Variants in DPP6 observed in about 807,000 individuals in gnomAD.
DPP6 encodes dipeptidyl peptidase like 6.
In DPP6, 69 loss-of-function variants were observed where a neutral mutation model predicts 122.6. The observed-to-expected ratio is 0.56, with a 90% CI of 0.46 to 0.69. The LOEUF (loss-of-function observed/expected upper bound fraction) is 0.69, where lower values mean the gene tolerates loss of function less well. Among genes scored for constraint, DPP6 ranks in the 30% least tolerant of loss-of-function variants. The pLI, the probability that DPP6 is intolerant of heterozygous loss-of-function variation, is 0.00. For missense variants in DPP6, 928 were observed against 1,116.9 expected (o/e 0.83, Z 2.41); for synonymous variants, 418 against 433.1 (o/e 0.97, Z 0.43).
intron 5 of DPP6, among the ~76,000 whole-genome samples, chr7:154,586,456 A>G (rs1162435932): frequency 6.6e-6 from 1 of 151,976 alleles, no homozygotes; most frequent in Non-Finnish European, 1.5e-5. Context: ...ATGAGGGAGA[A>G]ATTTGCTGGA....
intron 3 of DPP6, among the ~76,000 whole-genome samples, chr7:154,512,318 C>A (rs1826152307): frequency 6.6e-6 from 1 of 152,160 alleles, no homozygotes; most frequent in South Asian, 2.1e-4. Flanking sequence ...AAAGTGCCCC[C>A]ATGTGCTTCT....
intron 6 of DPP6, among the ~76,000 whole-genome samples, chr7:154,639,258 G>A (rs4960569): frequency 0.76 from 114,949 of 152,164 alleles, 43,566 homozygotes; most frequent in East Asian, 0.92. Flanking sequence ...TATTAGAAAA[G>A]TGAAGCCCAA....
At chr7:153,769,924 T>C in the DPP6 span, among the ~76,000 whole-genome samples, 3 of 152,060 alleles carry the variant, frequency 2.0e-5, no homozygotes, top group Non-Finnish European at 4.4e-5. Flanking sequence ...CAAGTGTGGG[T>C]TGGTGAGGGA....
intron 20 of DPP6, among the ~76,000 whole-genome samples, chr7:154,879,038 C>CAAA (rs1805120455): frequency 6.6e-6 from 1 of 152,232 alleles, no homozygotes. Context: ...GCCAGGACAT[C>CAAA]CATCCTTCCT....
At chr7:154,131,226 G>A (rs1795264737) in intron 1 of DPP6, among the ~76,000 whole-genome samples, 2 of 152,188 alleles carry the variant, frequency 1.3e-5, no homozygotes, top group South Asian at 4.1e-4. Flanking sequence ...AGATTTAGAA[G>A]CTATTTTAAG....
intron 8 of DPP6, among the ~76,000 whole-genome samples, chr7:154,756,007 C>T (rs752492100): frequency 7.9e-5 from 12 of 152,148 alleles, no homozygotes; most frequent in South Asian, 4.1e-4. Flanking sequence ...GCTTAGAAAA[C>T]GTGCAGTGAA....
intron 1 of DPP6, among the ~76,000 whole-genome samples, chr7:154,005,735 G>A (rs1431176086): frequency 1.3e-5 from 2 of 150,440 alleles, no homozygotes; most frequent in African/African-American, 5.0e-5. Context: ...CTGGAGCAGG[G>A]AGGTGTGACC....
intron 5 of DPP6, among the ~76,000 whole-genome samples, chr7:154,636,386 C>G (rs1265027642): frequency 6.6e-6 from 1 of 152,186 alleles, no homozygotes; most frequent in South Asian, 2.1e-4. Context: ...CAGGCCCTTC[C>G]TTCCTTCTCC....
At chr7:154,399,664 G>A (rs1357564575) in intron 1 of DPP6, among the ~76,000 whole-genome samples, 1 of 152,080 alleles carries the variant, frequency 6.6e-6, no homozygotes, top group Non-Finnish European at 1.5e-5. Context: ...TGGAAAAGAA[G>A]TCTGTCTCTG....
intron 1 of DPP6, among the ~76,000 whole-genome samples, chr7:154,374,408 G>A (rs184627364): frequency 1.3e-5 from 2 of 152,074 alleles, no homozygotes; most frequent in African/African-American, 4.8e-5. Flanking sequence ...TAAGGAAAAG[G>A]TGTGTTTTTC....
At chr7:153,833,680 A>C in the DPP6 span, among the ~76,000 whole-genome samples, 1 of 151,982 alleles carries the variant, frequency 6.6e-6, no homozygotes, top group South Asian at 2.1e-4. Context: ...TCTCAAAAAA[A>C]AAAAAGGTGG....
At chr7:153,899,784 ATGTG>A (rs1206832736) in intron 1 of DPP6, among the ~76,000 whole-genome samples, 2 of 152,188 alleles carry the variant, frequency 1.3e-5, no homozygotes, top group African/African-American at 4.8e-5. Context: ...GTGAGTGTGA[ATGTG>A]TGTGCACAGG....
At chr7:154,802,587 G>C (rs1027062166) in intron 13 of DPP6, among the ~76,000 whole-genome samples, 5 of 152,038 alleles carry the variant, frequency 3.3e-5, no homozygotes, top group Non-Finnish European at 7.4e-5. Context: ...GGCCAGGTGC[G>C]GTGGCTCACG....
At chr7:154,531,924 A>G (rs1422124038) in intron 3 of DPP6, among the ~76,000 whole-genome samples, 1 of 152,158 alleles carries the variant, frequency 6.6e-6, no homozygotes, top group Non-Finnish European at 1.5e-5. Context: ...CAACTAAAAT[A>G]GGAAAATTAA....
chr7:154,172,267 A>G (rs893301889), intron 1 of DPP6, among the ~76,000 whole-genome samples: 4 of 152,194 alleles, frequency 2.6e-5, no homozygotes, highest in Non-Finnish European at 2.9e-5. Context: ...CGAGAAGGAA[A>G]GGGTGAATAA....
intron 22 of DPP6, among the ~76,000 whole-genome samples, chr7:154,886,572 G>A (rs1236391327): frequency 6.6e-6 from 1 of 152,210 alleles, no homozygotes; most frequent in African/African-American, 2.4e-5. Context: ...CCGAGAACTT[G>A]AATTCAGGTC....
At chr7:153,864,088 G>C in the DPP6 span, among the ~76,000 whole-genome samples, 3 of 152,090 alleles carry the variant, frequency 2.0e-5, no homozygotes, top group African/African-American at 2.4e-5. Context: ...CATTTCTCTT[G>C]GGTATATACT....
chr7:154,875,840 G>A lies in DPP6; in HGVS notation c.1884-66G>A. ...TCCCTTACGGGGGTCATCTGACGTG[G>A]CAGCTGCTAGACCAGCCGCCACCCA... On this transcript the variant is annotated intron_variant, in intron 19 of 25. Transcript: ENST00000377770. The surrounding 1 kb of genome is among the most constrained non-coding windows in gnomAD (Gnocchi z 4.5). The A allele has an allele frequency of 6.5e-7, 1 of 1,546,848 alleles. No individual in the cohort carries two copies. The highest frequency in any genetic ancestry group is 8.7e-7 in the Non-Finnish European group (1 of 1,147,202).
chr7:154,884,259 C>G (rs1038463891), intron 21 of DPP6: 3 of 147,356 alleles, frequency 2.0e-5, no homozygotes, highest in African/African-American at 7.7e-5. Context: ...ATTACATACA[C>G]ATGCTCACAC....
Sources: allele counts gnomAD v4.1 joint callset (sites outside exome capture counted in the v4.1 genomes callset), GRCh38; gene constraint gnomAD v4.1.1; non-coding constraint Gnocchi (gnomAD v3.1); transcripts MANE v1.5; gene names NCBI Gene and HGNC (gene_info 2026-07-23, HGNC 2026-07-21).